The following USP33 variants were observed in gnomAD, a reference collection of about 807,000 sequenced individuals.
USP33 encodes the protein ubiquitin specific peptidase 33.
In USP33, 46 loss-of-function variants were observed where a neutral mutation model predicts 124.2. That is an observed-to-expected ratio of 0.37 (90% CI 0.29 to 0.47). The LOEUF (loss-of-function observed/expected upper bound fraction) is 0.47, where lower values mean the gene tolerates loss of function less well. USP33 is among the 20% of genes least tolerant of loss of function. USP33 has a pLI of 0.99. For synonymous variants in USP33, 350 were observed against 352.3 expected (o/e 0.99, Z 0.07); for missense variants, 851 against 1,070.6 (o/e 0.79, Z 2.86).
chr1:77,711,478 G>T, intron 21 of USP33: 1 of 276,804 alleles, frequency 3.6e-6, no homozygotes, highest in Non-Finnish European at 6.4e-6. Flanking sequence ...TGTGAGCCGA[G>T]ATTGCACCAC....
intron 1 of USP33, 52 bp downstream of exon 1, chr1:77,759,591 G>C (rs1259665117): frequency 5.0e-6 from 2 of 398,094 alleles, no homozygotes; most frequent in Non-Finnish European, 8.9e-6. Flanking sequence ...GACCCCGGAC[G>C]CGAGCGAAAC....
At chr1:77,707,249 G>T (rs1381118894) in intron 21 of USP33, among the ~76,000 whole-genome samples, 2 of 152,168 alleles carry the variant, frequency 1.3e-5, no homozygotes, top group South Asian at 2.1e-4. Flanking sequence ...AAATCAAAGT[G>T]TCAGGAGAAC....
At chr1:77,729,731 T>A in intron 9 of USP33, 129 bp downstream of exon 9, 1 of 782,034 alleles carries the variant, frequency 1.3e-6, no homozygotes, top group Non-Finnish European at 2.1e-6. Flanking sequence ...TGAAAAAGGG[T>A]TACTATTCTT....
intron 1 of USP33, 145 bp downstream of exon 1, chr1:77,759,498 G>A (rs1273926261): frequency 2.5e-6 from 1 of 397,052 alleles, no homozygotes; most frequent in Non-Finnish European, 4.4e-6. Flanking sequence ...TCCCGCCCGC[G>A]AACCCGCCGC....
chr1:77,710,317 G>A (rs1479004613), intron 21 of USP33, among the ~76,000 whole-genome samples: 1 of 152,126 alleles, frequency 6.6e-6, no homozygotes, highest in Admixed American at 6.6e-5. Context: ...TAGATTTCCT[G>A]AAAGTCAGCA....
chr1:77,741,025 T>C, intron 3 of USP33, 86 bp from the exon 4 acceptor site: 1 of 953,222 alleles, frequency 1.0e-6, no homozygotes, highest in Non-Finnish European at 1.5e-6. Flanking sequence ...CATTTACAAT[T>C]AAGTTTGGAT....
intron 1 of USP33, among the ~76,000 whole-genome samples, chr1:77,748,780 C>CCCCT (rs1679998646): frequency 4.6e-5 from 1 of 21,674 alleles, no homozygotes; most frequent in African/African-American, 2.9e-4. Flanking sequence ...TTCCTTCCCT[C>CCCCT]CCCCCCCCCC....
At chr1:77,750,083 C>T (rs1015124376) in intron 1 of USP33, among the ~76,000 whole-genome samples, 7 of 151,918 alleles carry the variant, frequency 4.6e-5, no homozygotes, top group East Asian at 1.9e-4. Context: ...TTTGGGAGGC[C>T]GAAGTAGGTG....
chr1:77,701,572 G>A, intron 21 of USP33, 101 bp from the exon 22 acceptor site: 2 of 941,690 alleles, frequency 2.1e-6, no homozygotes, highest in Non-Finnish European at 3.3e-6. Context: ...CAGCACTTTG[G>A]GAGGCTGAGG....
At chr1:77,748,816 A>C in intron 1 of USP33, among the ~76,000 whole-genome samples, 1 of 111,314 alleles carries the variant, frequency 9.0e-6, no homozygotes, top group African/African-American at 3.5e-5. Context: ...GATTGGCAGC[A>C]TTTATCAGAG....
intron 10 of USP33, among the ~76,000 whole-genome samples, chr1:77,727,533 A>T (rs1488790586): frequency 6.6e-6 from 1 of 152,228 alleles, no homozygotes; most frequent in African/African-American, 2.4e-5. Context: ...AGTGAACCAC[A>T]AGTCTTCCTA....
chr1:77,733,804 C>T (rs568600955), intron 7 of USP33, among the ~76,000 whole-genome samples: 17 of 152,230 alleles, frequency 1.1e-4, no homozygotes, highest in African/African-American at 4.1e-4. Context: ...TGTAGACATA[C>T]GTTCAATCTC....
chr1:77,728,680 A>C lies in USP33; in HGVS notation c.750T>G (p.Asp250Glu). The change falls in exon 10 of 24, where the codon GAT (aspartate) becomes GAG (glutamate). Residue 250 changes from aspartate (D) to glutamate (E), a missense_variant. Asp to Glu is a conservative substitution (Grantham distance 45). Around this residue, in one of 4 missense-constraint regions of USP33, gnomAD observed 221 missense variants for 302.9 expected, o/e 0.73. Transcript: ENST00000370794. The part of the protein sequence containing the change: ...DAQEFLRCLM[D>E]LLHEELKEQV... ...GCTCTTTCAATTCTTCATGAAGCAA[A>C]TCCATTAAACATCGAAGGAATTCTT... 6.2e-7 allele frequency: 1 copy of C among 1,613,550 alleles called. No individual in the cohort carries two copies. Among genetic ancestry groups the C allele is most frequent in the Non-Finnish European group, 8.5e-7 (1 of 1,179,880 alleles).
intron 5 of USP33, 143 bp downstream of exon 5, chr1:77,739,122 A>G (rs1678825691): frequency 1.0e-6 from 1 of 952,546 alleles, no homozygotes; most frequent in Admixed American, 2.8e-5. Context: ...TGAGTGCTTT[A>G]TTTGAGAGAA....
chr1:77,728,439 C>A lies in USP33; in HGVS notation c.991G>T (p.Asp331Tyr). Residue 331 changes from aspartate to tyrosine, a missense_variant, in exon 10 of 24, where the codon GAT becomes TAT. Physicochemically the swap from Asp to Tyr is radical, Grantham distance 160. Around this residue, in one of 4 missense-constraint regions of USP33, gnomAD observed 207 missense variants for 200.9 expected, o/e 1.03. Transcript: ENST00000370794. The stretch of plus-strand genomic sequence containing the variant: ...TTGCACATCTTCTCTTTTTGCCAAT[C>A]CTTTGACATTTCTGAATTGTTTTCA... ...DDENNSEMSK[D>Y]WQKEKMCNKI... is the part of the protein sequence containing the mutation. 6.2e-7 allele frequency: 1 copy of A among 1,613,988 alleles called. No individual in the cohort carries two copies.
intron 1 of USP33, among the ~76,000 whole-genome samples, chr1:77,754,509 C>T (rs1351351613): frequency 6.6e-6 from 1 of 152,190 alleles, no homozygotes; most frequent in Non-Finnish European, 1.5e-5. Flanking sequence ...CAAAAGAAAT[C>T]AGCTGACAAG....
At chr1:77,734,206 G>A in intron 7 of USP33, 141 bp downstream of exon 7, 1 of 652,338 alleles carries the variant, frequency 1.5e-6, no homozygotes, top group Non-Finnish European at 2.6e-6. Context: ...AACATCGTTG[G>A]GACAAGAATG....
intron 15 of USP33, among the ~76,000 whole-genome samples, chr1:77,720,855 C>T (rs552008117): frequency 6.6e-6 from 1 of 152,174 alleles, no homozygotes; most frequent in African/African-American, 2.4e-5. Flanking sequence ...TTGTACCTTT[C>T]ACTTCCTGAA....
chr1:77,699,859 G>A (rs1204392811), intron 22 of USP33, among the ~76,000 whole-genome samples: 1 of 152,182 alleles, frequency 6.6e-6, no homozygotes, highest in South Asian at 2.1e-4. Flanking sequence ...ATACTACGCA[G>A]CCATAAAAAG....
Sources: allele counts gnomAD v4.1 joint callset (sites outside exome capture counted in the v4.1 genomes callset), GRCh38; gene constraint gnomAD v4.1.1; regional missense constraint gnomAD v4.1.1; transcripts MANE v1.5; gene names NCBI Gene and HGNC (gene_info 2026-07-23, HGNC 2026-07-21).